Variants in REEP3 observed in about 807,000 individuals in gnomAD.
REEP3 encodes the protein receptor expression-enhancing protein 3.
Under a neutral mutation model 41.3 loss-of-function variants are expected in REEP3, and 20 were observed. The observed-to-expected ratio is 0.48, with a 90% CI of 0.34 to 0.70. The LOEUF is 0.70. REEP3 is among the 30% of genes least tolerant of loss of function. The probability of loss-of-function intolerance (pLI) is 0.01; values close to 1 mark genes in which losing one functional copy is unlikely to be tolerated. For missense variants in REEP3, 271 were observed against 308.8 expected (o/e 0.88, Z 0.92); for synonymous variants, 104 against 101.8 (o/e 1.02, Z -0.13).
Position 63,598,038 on chromosome 10 carries a change from A to G in REEP3, c.197A>G (p.Tyr66Cys), listed in dbSNP as rs747010885. Reference protein sequence around the residue: ...DQTVAWFPLYYELKIAFVIWL... With the variant: ...DQTVAWFPLYCELKIAFVIWL... ...TTTCTTATTAGGTTTCCCCTGTACTATGAGCTGAAGATTGCTTTTGTCATA... is the reference window on the plus strand; with the variant it reads ...TTTCTTATTAGGTTTCCCCTGTACTGTGAGCTGAAGATTGCTTTTGTCATA... The change falls in exon 4 of 8, where the codon TAT (tyrosine) becomes TGT (cysteine). Residue 66 changes from tyrosine to cysteine, a missense_variant. Coordinates refer to ENST00000373758, the MANE Select transcript of REEP3 (RefSeq NM_001001330.3). 1.2e-6 allele frequency: 2 copies of G among 1,612,638 alleles called. No individual in the cohort carries two copies. Among genetic ancestry groups the G allele is most frequent in the Admixed American group, 3.3e-5 (2 of 59,990 alleles).
Position 63,622,178 on chromosome 10 carries a change from A to G in REEP3, c.*1309A>G, listed in dbSNP as rs1045189396. ...TTCAGGTAATTTACTTGACTGTTCT[A>G]TTTGTTTGTCCAAAAGATAAAATGA... On this transcript the variant is annotated 3_prime_UTR_variant, in exon 8 of 8. Transcript: ENST00000373758. The G allele has an allele frequency of 1.3e-5, 2 of 152,108 alleles. No individual in the cohort carries two copies. The highest frequency in any genetic ancestry group is 2.9e-5 in the Non-Finnish European group (2 of 68,000). The allele number at this position is 152,108 out of a possible 1,614,324, so 9.4% of individuals were successfully genotyped here. A position where few individuals can be genotyped will look rare whatever the true frequency, so the allele number is the denominator to read the frequency against.
chr10:63,618,544 G>C (rs1238191426), intron 6 of REEP3, among the ~76,000 whole-genome samples: 4 of 152,070 alleles, frequency 2.6e-5, no homozygotes. Flanking sequence ...ACCATGCCCG[G>C]CCTCTTCATG....
intron 1 of REEP3, among the ~76,000 whole-genome samples, chr10:63,563,922 C>A (rs1955770375): frequency 6.6e-6 from 1 of 152,088 alleles, no homozygotes; most frequent in Non-Finnish European, 1.5e-5. Context: ...ACATACTTAA[C>A]CAGCACTCCT....
intron 1 of REEP3, among the ~76,000 whole-genome samples, chr10:63,563,504 C>T (rs191152675): frequency 6.6e-6 from 1 of 152,210 alleles, no homozygotes; most frequent in East Asian, 1.9e-4. Flanking sequence ...CCTGAAACCA[C>T]GGATAACACC....
rs1438855186 is a variant in REEP3 at position 63,623,506 on chromosome 10, G to T, written c.*2637G>T. On this transcript the variant is annotated 3_prime_UTR_variant, in exon 8 of 8. Transcript: ENST00000373758. ...ACAAACCTATTTAGGGAACTATTTT[G>T]GTAGATGTTTGAGTTTATACAGAAA... 1.3e-5 allele frequency: 2 copies of T among 152,224 alleles called. No homozygotes were observed. The highest frequency in any genetic ancestry group is 2.4e-5 in the African/African-American group (1 of 41,398). The allele number at this position is 152,224 out of a possible 1,614,324, so 9.4% of individuals were successfully genotyped here. A position where few individuals can be genotyped will look rare whatever the true frequency, so the allele number is the denominator to read the frequency against.
chr10:63,561,836 C>T (rs1955742740), intron 1 of REEP3, among the ~76,000 whole-genome samples: 1 of 152,064 alleles, frequency 6.6e-6, no homozygotes, highest in South Asian at 2.1e-4. Flanking sequence ...GGTATCAAAG[C>T]CCCATCAGTG....
intron 2 of REEP3, among the ~76,000 whole-genome samples, chr10:63,583,962 T>G (rs1002385361): frequency 6.6e-6 from 1 of 152,234 alleles, no homozygotes; most frequent in African/African-American, 2.4e-5. Flanking sequence ...TTAACACTTC[T>G]TTTAAATTAA....
At chr10:63,593,152 A>G (rs1956081053) in intron 2 of REEP3, among the ~76,000 whole-genome samples, 1 of 152,234 alleles carries the variant, frequency 6.6e-6, no homozygotes, top group Non-Finnish European at 1.5e-5. Context: ...TGGGTTGTTC[A>G]TGTAAATAGA....
intron 3 of REEP3, 37 bp downstream of exon 3, chr10:63,594,891 C>T (rs372905073): frequency 2.3e-6 from 3 of 1,298,198 alleles, no homozygotes; most frequent in Non-Finnish European, 3.4e-6. Flanking sequence ...AGACTACAGA[C>T]TCATAATCAG....
intron 6 of REEP3, among the ~76,000 whole-genome samples, chr10:63,616,367 C>T (rs1564493516): frequency 2.0e-5 from 3 of 152,166 alleles, no homozygotes; most frequent in Non-Finnish European, 2.9e-5. Flanking sequence ...TCTGTTTCCC[C>T]TATTGGACTC....
Position 63,620,957 on chromosome 10 carries a change from A to T in REEP3, c.*88A>T. 1 of 772,536 alleles carries T rather than the reference A, an allele frequency of 1.3e-6. No homozygotes were observed. The highest frequency in any genetic ancestry group is 2.1e-6 in the Non-Finnish European group (1 of 481,498). 47.9% of individuals were successfully genotyped at this position (772,536 alleles called of 1,614,324 possible). ...ATGATATATTCAGGATTTACACATT[A>T]AAATGATTATTTAAATTGTGGCAGT... On this transcript the variant is annotated 3_prime_UTR_variant, in exon 8 of 8. Transcript: ENST00000373758.
chr10:63,620,052 T>C (rs1035726622), intron 7 of REEP3, among the ~76,000 whole-genome samples: 4 of 148,344 alleles, frequency 2.7e-5, no homozygotes, highest in African/African-American at 7.4e-5. Flanking sequence ...CCCACCTCAA[T>C]CTCCCAAGTA....
At chr10:63,538,791 TTCCATGTG>T (rs1437434817) in intron 1 of REEP3, among the ~76,000 whole-genome samples, 1 of 152,126 alleles carries the variant, frequency 6.6e-6, no homozygotes, top group African/African-American at 2.4e-5. Flanking sequence ...ATGGTGAATT[TTCCATGTG>T]TGTTTTCCAT....
intron 1 of REEP3, among the ~76,000 whole-genome samples, chr10:63,532,388 TAAAG>T (rs1265674879): frequency 1.3e-5 from 2 of 152,000 alleles, no homozygotes; most frequent in African/African-American, 4.8e-5. Flanking sequence ...CACCTATAAA[TAAAG>T]AAATAAAGTG....
intron 2 of REEP3, among the ~76,000 whole-genome samples, chr10:63,594,338 G>T (rs1403654836): frequency 6.6e-6 from 1 of 152,146 alleles, no homozygotes; most frequent in South Asian, 2.1e-4. Flanking sequence ...AGTGAGTCAT[G>T]ATCGTAATTG....
chr10:63,595,689 G>C (rs1956107920), intron 3 of REEP3, among the ~76,000 whole-genome samples: 1 of 151,914 alleles, frequency 6.6e-6, no homozygotes, highest in Non-Finnish European at 1.5e-5. Context: ...CGATTCTCCT[G>C]CCTCAGCCTC....
rs555740889 is a variant in REEP3 at position 63,574,931 on chromosome 10, A to T, written c.105+8521A>T. Among the ~76,000 whole-genome samples the T allele has an allele frequency of 2.3e-5, 3 of 127,794 alleles. No individual in the cohort carries two copies. In the South Asian group the frequency reaches 7.3e-4, roughly 31 times the overall value. 83.8% of individuals were successfully genotyped at this position (127,794 alleles called of 152,430 possible). On this transcript the variant is annotated intron_variant, in intron 2 of 7. Coordinates refer to ENST00000373758, the MANE Select transcript of REEP3 (RefSeq NM_001001330.3). ...GGAGTGCAGTGGCACGACTTGGCTC[A>T]CGGCAACCTCTGCCTCCCGGATTCA...
chr10:63,611,530 G>A (rs898346988), intron 6 of REEP3, among the ~76,000 whole-genome samples: 4 of 151,792 alleles, frequency 2.6e-5, no homozygotes, highest in African/African-American at 7.3e-5. Flanking sequence ...AATTAGACAC[G>A]GTTCCTTAGT....
intron 5 of REEP3, among the ~76,000 whole-genome samples, chr10:63,602,975 A>C (rs1956186265): frequency 6.6e-6 from 1 of 152,078 alleles, no homozygotes. Flanking sequence ...AGCCCACAAA[A>C]ATTTTATTTC....
Sources: gnomAD v4.1 joint callset for allele counts (sites outside exome capture counted in the v4.1 genomes callset) on GRCh38, gnomAD v4.1.1 for gene constraint, MANE v1.5 for transcripts, NCBI Gene and HGNC (gene_info 2026-07-23, HGNC 2026-07-21) for gene names.